LRRK2: variants seen among roughly 807,000 people sequenced by gnomAD.
LRRK2 encodes the protein leucine-rich repeat serine/threonine-protein kinase 2.
Under a neutral mutation model 302.6 loss-of-function variants are expected in LRRK2, and 203 were observed. The observed-to-expected ratio is 0.67, with a 90% confidence interval of 0.60 to 0.75. The LOEUF (loss-of-function observed/expected upper bound fraction) is 0.75. LRRK2 is among the 30% of genes least tolerant of loss of function. LRRK2 has a pLI of 0.00. For synonymous variants in LRRK2, 1,066 were observed against 1,031.9 expected, an observed-to-expected ratio of 1.03 and a Z score of -0.63; for missense variants, 2,830 against 2,951.0, an observed-to-expected ratio of 0.96 and a Z score of 0.95.
intron 7 of LRRK2, among the ~76,000 whole-genome samples, chr12:40,245,000 GAAAAA>G (rs771819550): frequency 9.0e-6 from 1 of 111,070 alleles, no homozygotes. Flanking sequence ...TTGCAAGAGT[GAAAAA>G]AAAAAAAAAA....
intron 39 of LRRK2, among the ~76,000 whole-genome samples, chr12:40,330,926 A>C (rs1945695416): frequency 1.3e-5 from 2 of 152,062 alleles, no homozygotes; most frequent in African/African-American, 4.8e-5. Context: ...TTTTGTTTTG[A>C]TAATCATATT....
rs770252874 is a variant in LRRK2, at chr12:40,303,953, G to A, written c.3596G>A (p.Arg1199Gln). 1.6e-5 allele frequency: 26 copies of A among 1,613,344 alleles called. No homozygotes were observed. The highest frequency in any genetic ancestry group is 4.5e-5 in the East Asian group (2 of 44,846). Residue 1199 changes from arginine to glutamine, a missense_variant, in exon 27 of 51, where the codon CGG becomes CAG. Arg to Gln is a conservative substitution (Grantham distance 43, BLOSUM62 1). This residue lies in a region of LRRK2 where 2,121 missense variants were observed against 2,148.0 expected (regional missense o/e 0.99). Transcript: ENST00000298910. ...PEAILNLPHL[R>Q]SLDMSSNDIQ... ...TTTTCTGTGTATTGTTTTAGCTTGC[G>A]GTCTTTAGATATGAGCAGCAATGAT...
At chr12:40,277,790 C>G in intron 16 of LRRK2, 98 bp from the exon 17 acceptor site, 1 of 1,119,710 alleles carries the variant, frequency 8.9e-7, no homozygotes, top group South Asian at 1.4e-5. Context: ...AATGAACATC[C>G]TAGGTATTGT....
intron 18 of LRRK2, among the ~76,000 whole-genome samples, chr12:40,281,960 G>T (rs1943714880): frequency 6.6e-6 from 1 of 152,034 alleles, no homozygotes; most frequent in South Asian, 2.1e-4. Context: ...AGAAAAAAAA[G>T]TTACTGGGCT....
rs1944522919 is a variant in LRRK2, at chr12:40,299,111, A to G, written c.3350A>G (p.Asn1117Ser). 1.3e-5 allele frequency: 21 copies of G among 1,612,800 alleles called. No homozygotes were observed. Among genetic ancestry groups the G allele is most frequent in the Non-Finnish European group, 1.8e-5 (21 of 1,179,434 alleles). The change falls in exon 25 of 51, where the codon AAT (asparagine) becomes AGT (serine). Residue 1117 changes from asparagine (N) to serine (S), a missense_variant and splice_region_variant. Around this residue, in one of 3 missense-constraint regions of LRRK2, gnomAD observed 2,121 missense variants for 2,148.0 expected, o/e 0.99. Transcript: ENST00000298910. ...ATTATCTTGTCTCTTGTGACTAGAAATAAAATATCAGGGATATGCTCCCCC... is the reference window on the plus strand; with the variant it reads ...ATTATCTTGTCTCTTGTGACTAGAAGTAAAATATCAGGGATATGCTCCCCC... ...EKLEQLILEG[N>S]KISGICSPLR...
At position 40,356,123 on chromosome 12, in the gene LRRK2, A is replaced by C. The variant is rs201427099; in HGVS notation, c.6779A>C (p.Lys2260Thr). The change falls in exon 46 of 51, where the codon AAA becomes ACA. Residue 2260 changes from lysine to threonine, a missense_variant. By Grantham distance (78) the Lys-to-Thr change is moderately conservative. This residue lies in a region of LRRK2 where 456 missense variants were observed against 456.3 expected (regional missense o/e 1.00). Transcript: ENST00000298910. The stretch of plus-strand genomic sequence containing the variant: ...AACATTTTTCCTTTTAGCAAACAAA[A>C]AAATTTTCTTTTGGTTGGAACCGCT... Reference protein sequence around the residue: ...CNSFSKQSKQKNFLLVGTADG... With the variant: ...CNSFSKQSKQTNFLLVGTADG... The C allele has an allele frequency of 6.2e-7, 1 of 1,610,814 alleles. No individual in the cohort carries two copies. Among genetic ancestry groups the C allele is most frequent in the Non-Finnish European group, 8.5e-7 (1 of 1,178,238 alleles).
Position 40,356,149 on chromosome 12 carries a change from G to A in LRRK2, c.6805G>A (p.Asp2269Asn), listed in dbSNP as rs1311301966. Reference sequence around the variant, plus strand: ...AAATTTTCTTTTGGTTGGAACCGCTGATGGCAAGTTAGCAATTTTTGAAGA... The same window carrying A: ...AAATTTTCTTTTGGTTGGAACCGCTAATGGCAAGTTAGCAATTTTTGAAGA... ...QKNFLLVGTA[D>N]GKLAIFEDKT... Residue 2269 changes from aspartate (D) to asparagine (N), a missense_variant, in exon 46 of 51, where the codon GAT becomes AAT. Asp to Asn is a conservative substitution (Grantham distance 23). Coordinates refer to ENST00000298910, the MANE Select transcript of LRRK2 (RefSeq NM_198578.4). 6.2e-7 allele frequency: 1 copy of A among 1,612,386 alleles called. No homozygotes were observed. The highest frequency in any genetic ancestry group is 8.5e-7 in the Non-Finnish European group (1 of 1,179,272).
intron 13 of LRRK2, 143 bp from the exon 14 acceptor site, chr12:40,263,646 A>G (rs571344173): frequency 1.8e-6 from 1 of 540,786 alleles, no homozygotes; most frequent in South Asian, 3.2e-5. Context: ...CTGGTTATTT[A>G]TTTGATAAGG....
chr12:40,257,656 A>G (rs574594277), intron 12 of LRRK2, among the ~76,000 whole-genome samples: 1 of 152,382 alleles, frequency 6.6e-6, no homozygotes, highest in East Asian at 1.9e-4. Flanking sequence ...TGTATAGCAC[A>G]TAGCATACAG....
intron 38 of LRRK2, among the ~76,000 whole-genome samples, chr12:40,324,548 G>T (rs1269571994): frequency 6.6e-6 from 1 of 152,112 alleles, no homozygotes; most frequent in Non-Finnish European, 1.5e-5. Context: ...TTTAGTTTTT[G>T]TTGTTGTTGT....
intron 20 of LRRK2, among the ~76,000 whole-genome samples, chr12:40,291,579 A>ATCT: frequency 6.6e-6 from 1 of 151,884 alleles, no homozygotes. Flanking sequence ...TTTTGTGCTC[A>ATCT]GATAACCTAC....
intron 13 of LRRK2, among the ~76,000 whole-genome samples, chr12:40,262,205 C>T (rs545285973): frequency 7.9e-5 from 12 of 152,224 alleles, no homozygotes; most frequent in African/African-American, 2.4e-4. Context: ...AATCTACTTA[C>T]TTATAACCAG....
intron 49 of LRRK2, chr12:40,365,307 T>TAGG: frequency 2.4e-6 from 1 of 418,294 alleles, no homozygotes; most frequent in Non-Finnish European, 4.3e-6. Context: ...CTTTTTTCCT[T>TAGG]TTTACCTAAG....
Position 40,354,450 on chromosome 12 carries a change from A to C in LRRK2, c.6728A>C (p.Asp2243Ala), listed in dbSNP as rs1323639609. Residue 2243 changes from aspartate to alanine, a missense_variant, in exon 45 of 51, where the codon GAT (aspartate) becomes GCT (alanine). Asp to Ala is a moderately radical substitution (Grantham distance 126, BLOSUM62 -2). Transcript: ENST00000298910. ...AGACATACCCTAGAAAAGATGACTG[A>C]TTCTGTCACTTGTTTGTATTGCAAT... ...KKRHTLEKMT[D>A]SVTCLYCNSF... The C allele has an allele frequency of 6.2e-7, 1 of 1,614,134 alleles. No individual in the cohort carries two copies. The highest frequency in any genetic ancestry group is 8.5e-7 in the Non-Finnish European group (1 of 1,179,992).
In LRRK2 at chr12:40,320,087, A is replaced by G. The variant is rs769095375; in HGVS notation, c.4927A>G (p.Lys1643Glu). 8 of 1,611,776 alleles carry G rather than the reference A, an allele frequency of 5.0e-6. No homozygotes were observed. Among genetic ancestry groups the G allele is most frequent in the Non-Finnish European group, 5.9e-6 (7 of 1,178,812 alleles). ...KFLSKKRKFP[K>E]NYMSQYFKLL... ...TCTTTCAAAAAAAAGGAAATTTCCA[A>G]AGAACTACATGTCACAGTATTTTAA... Residue 1643 changes from lysine to glutamate, a missense_variant, in exon 34 of 51, where the codon AAG (lysine) becomes GAG (glutamate). By Grantham distance (56) the Lys-to-Glu change is moderately conservative. Coordinates refer to ENST00000298910, the MANE Select transcript of LRRK2 (RefSeq NM_198578.4).
chr12:40,233,517 A>G (rs1239914610), intron 3 of LRRK2, among the ~76,000 whole-genome samples: 1 of 152,180 alleles, frequency 6.6e-6, no homozygotes, highest in Non-Finnish European at 1.5e-5. Flanking sequence ...CAGTACATAA[A>G]GGGTGTGTTT....
At chr12:40,253,978 A>C (rs1436652455) in intron 11 of LRRK2, among the ~76,000 whole-genome samples, 1 of 152,198 alleles carries the variant, frequency 6.6e-6, no homozygotes, top group African/African-American at 2.4e-5. Context: ...TCTTTAATGT[A>C]ATTCTTATAA....
chr12:40,346,088 C>CT (rs1249676845), intron 41 of LRRK2, among the ~76,000 whole-genome samples: 3 of 151,952 alleles, frequency 2.0e-5, no homozygotes, highest in African/African-American at 4.8e-5. Flanking sequence ...TGAAATCACT[C>CT]TTTTTTTCTG....
intron 47 of LRRK2, among the ~76,000 whole-genome samples, chr12:40,361,749 A>C (rs1165107367): frequency 6.6e-6 from 1 of 152,042 alleles, no homozygotes; most frequent in Admixed American, 6.6e-5. Flanking sequence ...TTAAATATAA[A>C]TATTTGCTCT....
Sources: gnomAD v4.1 joint callset for allele counts (sites outside exome capture counted in the v4.1 genomes callset) on GRCh38, gnomAD v4.1.1 for gene constraint, gnomAD v4.1.1 regional missense constraint, MANE v1.5 for transcripts, NCBI Gene and HGNC (gene_info 2026-07-23, HGNC 2026-07-21) for gene names.